The following PLD1 variants were observed in gnomAD, a reference collection of about 807,000 sequenced individuals.
PLD1 encodes the protein phospholipase D1.
Under a neutral mutation model 137.1 loss-of-function variants are expected in PLD1, and 112 were observed. That is an observed-to-expected ratio of 0.82 (90% CI 0.70 to 0.96). The LOEUF is 0.96. Among genes scored for constraint, PLD1 ranks in the 40% least tolerant of loss-of-function variants. PLD1 has a pLI of 0.00. For missense variants in PLD1, 1,321 were observed against 1,342.0 expected (o/e 0.98, Z 0.24); for synonymous variants, 431 against 454.7 (o/e 0.95, Z 0.66).
chr3:171,796,049 T>C (rs1411874377), intron 1 of PLD1, among the ~76,000 whole-genome samples: 2 of 152,216 alleles, frequency 1.3e-5, no homozygotes, highest in African/African-American at 4.8e-5. Context: ...GTCTGAGACA[T>C]TGGTCTCTCC....
chr3:171,693,537 C>T (rs59141410), intron 12 of PLD1, among the ~76,000 whole-genome samples: 34,576 of 151,648 alleles, frequency 0.23, 4,226 homozygotes, highest in Admixed American at 0.3. Flanking sequence ...GGCTTATTCA[C>T]CCCCACCTTG....
intron 1 of PLD1, among the ~76,000 whole-genome samples, chr3:171,764,398 G>T (rs187054801): frequency 2.6e-5 from 4 of 152,208 alleles, no homozygotes; most frequent in Admixed American, 2.0e-4. Flanking sequence ...ACCCTCTAAG[G>T]TAAGTACAAT....
At chr3:171,629,340 C>CCACT (rs1178627754) in intron 23 of PLD1, among the ~76,000 whole-genome samples, 1 of 151,996 alleles carries the variant, frequency 6.6e-6, no homozygotes, top group East Asian at 1.9e-4. Flanking sequence ...GAACTACAAA[C>CCACT]CACTGCTCAA....
chr3:171,654,794 T>C (rs1182745151), intron 21 of PLD1, among the ~76,000 whole-genome samples: 2 of 149,634 alleles, frequency 1.3e-5, no homozygotes, highest in Non-Finnish European at 2.9e-5. Context: ...GAAGATTTGT[T>C]TTTTGTTTTT....
chr3:171,613,949 C>T (rs915456530), intron 24 of PLD1, among the ~76,000 whole-genome samples: 1 of 152,194 alleles, frequency 6.6e-6, no homozygotes, highest in Non-Finnish European at 1.5e-5. Context: ...CTTCTTCAGA[C>T]GTGGAGCAGA....
intron 21 of PLD1, chr3:171,654,313 A>AG (rs1737023615): frequency 3.2e-6 from 1 of 316,590 alleles, no homozygotes; most frequent in Non-Finnish European, 6.1e-6. Flanking sequence ...AAAAAAAAAA[A>AG]AAAAAAAGAA....
intron 1 of PLD1, among the ~76,000 whole-genome samples, chr3:171,808,317 A>C (rs1723951259): frequency 6.6e-6 from 1 of 152,104 alleles, no homozygotes; most frequent in East Asian, 1.9e-4. Flanking sequence ...CGGGCGGATC[A>C]CGAGGTCAGG....
chr3:171,708,861 C>T lies in PLD1; in HGVS notation c.1062-23G>A, dbSNP rs202047438. ...TACCTGAAAGACAAGTTTATTGTTC[C>T]TTTTTGTTATTAAAAAAGAAAAGAA... On this transcript the variant is annotated intron_variant, in intron 10 of 26. Coordinates refer to ENST00000351298, the MANE Select transcript of PLD1 (RefSeq NM_002662.5). 1.8e-4 allele frequency: 255 copies of T among 1,388,868 alleles called. No individual in the cohort carries two copies. In the African/African-American group the frequency reaches 3.4e-3, roughly 19 times the overall value. 86.0% of individuals were successfully genotyped at this position (1,388,868 alleles called of 1,614,324 possible). A position where few individuals can be genotyped will look rare whatever the true frequency, so the allele number is the denominator to read the frequency against.
At chr3:171,735,281 C>A (rs73043859) in intron 4 of PLD1, among the ~76,000 whole-genome samples, 1 of 152,132 alleles carries the variant, frequency 6.6e-6, no homozygotes, top group East Asian at 1.9e-4. Context: ...ACTATCACCA[C>A]GTGCCACCAC....
intron 19 of PLD1, among the ~76,000 whole-genome samples, chr3:171,665,832 G>A (rs923147740): frequency 1.3e-5 from 2 of 152,094 alleles, no homozygotes. Flanking sequence ...AGGGGCTTCA[G>A]CATCATCTAT....
chr3:171,728,771 C>T (rs1718719838), intron 6 of PLD1, among the ~76,000 whole-genome samples: 1 of 152,072 alleles, frequency 6.6e-6, no homozygotes, highest in Non-Finnish European at 1.5e-5. Context: ...TGGAGTATAT[C>T]ATAACAAAAT....
chr3:171,800,931 C>T (rs1723620217), intron 1 of PLD1, among the ~76,000 whole-genome samples: 1 of 152,210 alleles, frequency 6.6e-6, no homozygotes, highest in African/African-American at 2.4e-5. Context: ...AAAGGCCTCA[C>T]CTCCTAATAC....
intron 15 of PLD1, among the ~76,000 whole-genome samples, chr3:171,687,099 T>A (rs1248158179): frequency 6.6e-6 from 1 of 152,280 alleles, no homozygotes; most frequent in Non-Finnish European, 1.5e-5. Context: ...TGGCTTGGCA[T>A]ATTTTAGAAA....
chr3:171,739,573 T>C (rs144967880), intron 1 of PLD1, among the ~76,000 whole-genome samples: 20 of 152,326 alleles, frequency 1.3e-4, no homozygotes, highest in African/African-American at 4.1e-4. Flanking sequence ...TATATCATAA[T>C]AGTTAATAGT....
intron 23 of PLD1, among the ~76,000 whole-genome samples, chr3:171,629,481 A>G (rs2108326310): frequency 6.6e-6 from 1 of 152,328 alleles, no homozygotes; most frequent in Non-Finnish European, 1.5e-5. Flanking sequence ...CAAGCTACCA[A>G]TGACTTTCTT....
At chr3:171,635,962 CTTCTTTTTT>C (rs1735074324) in intron 23 of PLD1, among the ~76,000 whole-genome samples, 1 of 37,104 alleles carries the variant, frequency 2.7e-5, no homozygotes, top group Non-Finnish European at 5.9e-5. Flanking sequence ...AGGGGTTCAA[CTTCTTTTTT>C]TTTTTTTTTT....
intron 1 of PLD1, among the ~76,000 whole-genome samples, chr3:171,768,010 C>CATTATTATTATTATT (rs36100351): frequency 6.3e-4 from 94 of 148,920 alleles, no homozygotes; most frequent in Middle Eastern, 3.5e-3. Flanking sequence ...TTTATGTGTT[C>CATTATTATTATTATT]ATTATTATTA....
At chr3:171,603,337 G>T in intron 26 of PLD1, 35 bp from the exon 27 acceptor site, 1 of 1,469,340 alleles carries the variant, frequency 6.8e-7, no homozygotes. Context: ...TGAGTGAAAA[G>T]TTTAAAAGCG....
rs149746608 is a variant in PLD1, at chr3:171,649,336, G to A, written c.2430-4313C>T. 3.6e-4 allele frequency among the ~76,000 whole-genome samples: 55 copies of A among 152,200 alleles called. 1 individual carries two copies. In the East Asian group the frequency reaches 7.9e-3, roughly 22 times the overall value. The stretch of plus-strand genomic sequence containing the variant: ...CTGAATGATGAAAATTTTAAACTGC[G>A]TTCAGCAAACTAGTGGAAACTATTT... On this transcript the variant is annotated intron_variant, in intron 21 of 26. Coordinates refer to ENST00000351298, the MANE Select transcript of PLD1 (RefSeq NM_002662.5).
Sources: allele counts gnomAD v4.1 joint callset (sites outside exome capture counted in the v4.1 genomes callset), GRCh38; gene constraint gnomAD v4.1.1; transcripts MANE v1.5; gene names NCBI Gene and HGNC (gene_info 2026-07-23, HGNC 2026-07-21).